The following APLF variants were observed in gnomAD, a reference collection of about 807,000 sequenced individuals.
The protein encoded by APLF is aprataxin and PNKP like factor, also known as aprataxin and PNK-like factor.
In APLF, 61 loss-of-function variants were observed where a neutral mutation model predicts 55.6. That is an observed-to-expected ratio of 1.10 (90% confidence interval 0.89 to 1.36). The LOEUF (loss-of-function observed/expected upper bound fraction) is 1.36, where lower values mean the gene tolerates loss of function less well. Among genes scored for constraint, APLF ranks in the 40% most tolerant of loss-of-function variants. The pLI is 0.00. For synonymous variants in APLF, 207 were observed against 214.8 expected, an observed-to-expected ratio of 0.96 and a Z score of 0.32; for missense variants, 611 against 602.5, an observed-to-expected ratio of 1.01 and a Z score of -0.15.
chr2:68,564,459 G>A (rs1364779181), intron 8 of APLF, among the ~76,000 whole-genome samples: 6 of 152,044 alleles, frequency 3.9e-5, no homozygotes, highest in African/African-American at 1.4e-4. Flanking sequence ...AGAGAGATTA[G>A]GGATGAGTGT....
At chr2:68,479,968 C>T (rs752712460) in intron 1 of APLF, among the ~76,000 whole-genome samples, 9 of 152,062 alleles carry the variant, frequency 5.9e-5, no homozygotes, top group Non-Finnish European at 8.8e-5. Context: ...CTCTTCCTTA[C>T]GATTTTCTGA....
At chr2:68,468,630 T>G (rs1199262008) in intron 1 of APLF, among the ~76,000 whole-genome samples, 12 of 152,242 alleles carry the variant, frequency 7.9e-5, no homozygotes, top group Admixed American at 7.2e-4. Context: ...ATAAGAACAT[T>G]TGCATATTGC....
chr2:68,506,703 T>C (rs2103940633), intron 3 of APLF, among the ~76,000 whole-genome samples: 1 of 152,082 alleles, frequency 6.6e-6, no homozygotes, highest in African/African-American at 2.4e-5. Flanking sequence ...GAGTTGATGC[T>C]CTTACTAACT....
chr2:68,569,279 G>C (rs924390090), intron 9 of APLF, among the ~76,000 whole-genome samples: 5 of 152,078 alleles, frequency 3.3e-5, no homozygotes, highest in African/African-American at 9.7e-5. Context: ...CCAGGGAAAG[G>C]GAGGGAGTAC....
chr2:68,568,372 T>A, intron 9 of APLF: 3 of 911,170 alleles, frequency 3.3e-6, no homozygotes, highest in South Asian at 5.1e-5. Context: ...AAGTAAATGA[T>A]TTCACTGTAA....
chr2:68,481,412 C>CAGCA (rs1054988527), intron 1 of APLF, among the ~76,000 whole-genome samples: 2 of 151,970 alleles, frequency 1.3e-5, no homozygotes, highest in African/African-American at 4.8e-5. Flanking sequence ...TTTTTCCTTT[C>CAGCA]AGCACTAAAC....
intron 8 of APLF, chr2:68,563,158 A>C (rs911669693): frequency 1.0e-6 from 1 of 985,148 alleles, no homozygotes; most frequent in African/African-American, 1.7e-5. Flanking sequence ...TCTGCATTAC[A>C]GTATTTTACC....
intron 2 of APLF, among the ~76,000 whole-genome samples, chr2:68,491,880 T>A (rs1245261186): frequency 6.6e-6 from 1 of 152,204 alleles, no homozygotes; most frequent in Non-Finnish European, 1.5e-5. Flanking sequence ...TGTGGACAAC[T>A]CAATAGATAT....
At position 68,510,938 on chromosome 2, in the gene APLF, A is replaced by G. The variant is rs542241779; in HGVS notation, c.342-2142A>G. On this transcript the variant is annotated intron_variant, in intron 3 of 9. Transcript: ENST00000303795. ...CTAGACACGAAAGACCACATACTGT[A>G]TTTCATTTATATGAAATATGTAGAA... Among the ~76,000 whole-genome samples, 5 of 151,998 alleles carry G rather than the reference A, an allele frequency of 3.3e-5. No homozygotes were observed. The East Asian group carries it at 7.8e-4, about 24-fold the overall frequency.
intron 5 of APLF, among the ~76,000 whole-genome samples, chr2:68,524,649 A>T (rs920308709): frequency 2.0e-5 from 3 of 152,214 alleles, no homozygotes; most frequent in Non-Finnish European, 2.9e-5. Flanking sequence ...ATGACTACAG[A>T]TTGCTTTATA....
chr2:68,483,195 C>T (rs1232475264), intron 1 of APLF, among the ~76,000 whole-genome samples: 1 of 152,104 alleles, frequency 6.6e-6, no homozygotes, highest in Non-Finnish European at 1.5e-5. Context: ...GTGGGGAGCG[C>T]ATAACACGAG....
intron 1 of APLF, among the ~76,000 whole-genome samples, chr2:68,477,449 A>G (rs1000795257): frequency 6.6e-6 from 1 of 152,044 alleles, no homozygotes; most frequent in African/African-American, 2.4e-5. Flanking sequence ...CCTGGACAAC[A>G]TAATGGGACT....
intron 7 of APLF, among the ~76,000 whole-genome samples, chr2:68,540,059 T>C (rs891042758): frequency 4.6e-5 from 7 of 152,206 alleles, no homozygotes; most frequent in Non-Finnish European, 2.9e-5. Flanking sequence ...AGGTTTGTTA[T>C]ATAGGTATAC....
chr2:68,503,029 T>TGCACACACACATGC, intron 3 of APLF, 126 bp downstream of exon 3: 2 of 934,014 alleles, frequency 2.1e-6, no homozygotes, highest in Non-Finnish European at 3.2e-6. Context: ...GTAATGTGTG[T>TGCACACACACATGC]GTACGCATGT....
In APLF at chr2:68,529,682, G is replaced by C. The variant is rs1022362881; in HGVS notation, c.804+3440G>C. ...GGGCAAAGGGTGAGACCCTTCCACC[G>C]GTCCAGCTGGACTCTAGCCTCAGGG... On this transcript the variant is annotated intron_variant, in intron 6 of 9. Coordinates refer to ENST00000303795, the MANE Select transcript of APLF (RefSeq NM_173545.3). This position sits in a 1 kb window ranked among gnomAD's most constrained non-coding sequence, Gnocchi z 4.4. The C allele has an allele frequency of 7.7e-5, 12 of 156,212 alleles. No individual in the cohort carries two copies. The highest frequency in any genetic ancestry group is 2.2e-4 in the African/African-American group (9 of 41,506). The allele number at this position is 156,212 out of a possible 1,614,324, so 9.7% of individuals were successfully genotyped here.
intron 9 of APLF, among the ~76,000 whole-genome samples, chr2:68,575,642 G>A (rs958132365): frequency 3.3e-5 from 5 of 151,726 alleles, no homozygotes; most frequent in African/African-American, 9.7e-5. Flanking sequence ...ATCTCTTGAG[G>A]TATTAGATGT....
chr2:68,473,730 C>T (rs1326408328), intron 1 of APLF, among the ~76,000 whole-genome samples: 1 of 152,136 alleles, frequency 6.6e-6, no homozygotes, highest in East Asian at 1.9e-4. Flanking sequence ...AGGTAAATCA[C>T]TTTTCATATG....
intron 3 of APLF, among the ~76,000 whole-genome samples, chr2:68,506,141 T>C (rs1434951534): frequency 6.6e-6 from 1 of 151,810 alleles, no homozygotes; most frequent in Admixed American, 6.6e-5. Context: ...GGCACATTCT[T>C]GTGGTTTCTG....
chr2:68,524,522 A>G (rs1204428591), intron 5 of APLF, among the ~76,000 whole-genome samples: 1 of 152,234 alleles, frequency 6.6e-6, no homozygotes, highest in East Asian at 1.9e-4. Flanking sequence ...CTTTCATGTT[A>G]CAAAGGCAGA....
Sources: gnomAD v4.1 joint callset for allele counts (sites outside exome capture counted in the v4.1 genomes callset) on GRCh38, gnomAD v4.1.1 for gene constraint, Gnocchi (gnomAD v3.1) non-coding constraint, MANE v1.5 for transcripts, NCBI Gene and HGNC (gene_info 2026-07-23, HGNC 2026-07-21) for gene names.